The following ATG13 variants were observed in gnomAD, a reference collection of about 807,000 sequenced individuals.
The protein encoded by ATG13 is autophagy related 13, also known as autophagy-related protein 13.
ATG13 carries 23 observed loss-of-function variants against 65.5 expected under a neutral mutation model. The observed-to-expected ratio is 0.35, with a 90% confidence interval of 0.25 to 0.50. The LOEUF is 0.50. Among genes scored for constraint, ATG13 ranks in the 20% least tolerant of loss-of-function variants. ATG13 has a pLI of 0.98. For missense variants in ATG13, 566 were observed against 677.0 expected, an observed-to-expected ratio of 0.84 and a Z score of 1.82; for synonymous variants, 252 against 245.2, an observed-to-expected ratio of 1.03 and a Z score of -0.26.
Position 46,672,853 on chromosome 11 carries a change from C to T in ATG13, c.*521C>T, listed in dbSNP as rs976313759. On this transcript the variant is annotated 3_prime_UTR_variant, in exon 19 of 19. Transcript: ENST00000683050. ...TGTCCCCTTTACTTCCTGCTATCTT[C>T]TTCTCCTCTTCTTCTCTCTCTTGCC... The T allele has an allele frequency of 6.9e-6, 8 of 1,163,030 alleles. No homozygotes were observed. In the African/African-American group the frequency reaches 1.1e-4, roughly 16 times the overall value. 72.0% of individuals were successfully genotyped at this position (1,163,030 alleles called of 1,614,324 possible).
intron 2 of ATG13, among the ~76,000 whole-genome samples, chr11:46,636,156 G>A (rs1056052067): frequency 2.0e-5 from 3 of 152,030 alleles, no homozygotes; most frequent in Non-Finnish European, 2.9e-5. Context: ...TCTTGATCAC[G>A]GTGGACTATC....
chr11:46,661,954 TGAAA>T (rs975687916), intron 11 of ATG13, among the ~76,000 whole-genome samples: 2 of 152,254 alleles, frequency 1.3e-5, no homozygotes, highest in African/African-American at 4.8e-5. Flanking sequence ...TTGTTTTGGG[TGAAA>T]GAGATTCTTG....
intron 2 of ATG13, among the ~76,000 whole-genome samples, chr11:46,638,193 T>TGG (rs2136113582): frequency 6.6e-6 from 1 of 152,250 alleles, no homozygotes; most frequent in Non-Finnish European, 1.5e-5. Flanking sequence ...TCCCAGAACT[T>TGG]TGGAAGGCTG....
At chr11:46,671,419 C>T (rs1423982621) in intron 18 of ATG13, among the ~76,000 whole-genome samples, 1 of 152,220 alleles carries the variant, frequency 6.6e-6, no homozygotes, top group Non-Finnish European at 1.5e-5. Context: ...ATCTCTAACT[C>T]ACCCCTTCCT....
intron 2 of ATG13, among the ~76,000 whole-genome samples, chr11:46,634,292 G>A (rs368397334): frequency 1.3e-5 from 2 of 151,806 alleles, no homozygotes; most frequent in Non-Finnish European, 2.9e-5. Context: ...TAGAGACGGG[G>A]TTTCACCATG....
chr11:46,635,932 C>A (rs1056338634), intron 2 of ATG13, among the ~76,000 whole-genome samples: 16 of 152,108 alleles, frequency 1.1e-4, no homozygotes, highest in African/African-American at 3.9e-4. Context: ...TCCTGCAGCG[C>A]ATTTCTTTCT....
intron 18 of ATG13, among the ~76,000 whole-genome samples, chr11:46,670,480 C>CAA (rs552531117): frequency 8.6e-5 from 7 of 81,722 alleles, no homozygotes; most frequent in Non-Finnish European, 1.2e-4. Flanking sequence ...GACTCCATCT[C>CAA]AAAAAAAAAA....
intron 5 of ATG13, among the ~76,000 whole-genome samples, chr11:46,648,244 C>T (rs999067687): frequency 2.8e-4 from 42 of 151,982 alleles, no homozygotes; most frequent in Admixed American, 1.2e-3. Context: ...TACAGGCACC[C>T]GCTACCACGC....
At position 46,672,361 on chromosome 11, in the gene ATG13, C is replaced by G; in HGVS notation, c.*29C>G. The stretch of plus-strand genomic sequence containing the variant: ...TATCCTTGAGTCCCAGCAGCACCCC[C>G]TTTTTGTGGCCCCAGGGCATAAGCA... On this transcript the variant is annotated 3_prime_UTR_variant, in exon 19 of 19. Coordinates refer to ENST00000683050, the MANE Select transcript of ATG13 (RefSeq NM_001346311.2). The G allele has an allele frequency of 1.2e-6, 2 of 1,614,100 alleles. No homozygotes were observed. The highest frequency in any genetic ancestry group is 1.1e-5 in the South Asian group (1 of 91,078).
In ATG13 at chr11:46,673,192, C is replaced by T. The variant is rs1242636183; in HGVS notation, c.*860C>T. 1 of 154,808 alleles carries T rather than the reference C, an allele frequency of 6.5e-6. No homozygotes were observed. The highest frequency in any genetic ancestry group is 1.9e-4 in the East Asian group (1 of 5,238). 9.6% of individuals were successfully genotyped at this position (154,808 alleles called of 1,614,324 possible). A position where few individuals can be genotyped will look rare whatever the true frequency, so the allele number is the denominator to read the frequency against. On this transcript the variant is annotated 3_prime_UTR_variant, in exon 19 of 19. Coordinates refer to ENST00000683050, the MANE Select transcript of ATG13 (RefSeq NM_001346311.2). ...TATGTTTGAGGTGAGTTGTTTTTCA[C>T]TTGGAGAAGGCGGAGGGCTCTTCCT...
intron 11 of ATG13, among the ~76,000 whole-genome samples, chr11:46,661,785 C>T (rs568409725): frequency 3.9e-5 from 6 of 152,078 alleles, no homozygotes; most frequent in South Asian, 4.2e-4. Context: ...GAGCTGAGAT[C>T]GCACCACTGC....
intron 1 of ATG13, among the ~76,000 whole-genome samples, chr11:46,619,421 G>A (rs2046589973): frequency 8.8e-6 from 1 of 113,582 alleles, no homozygotes; most frequent in Admixed American, 1.2e-4. Flanking sequence ...TTTCACTCTG[G>A]TTGCCCAGGC....
rs1329790632 is a variant in ATG13, at chr11:46,617,809, C to G, written c.-151C>G. 1 of 399,156 alleles carries G rather than the reference C, an allele frequency of 2.5e-6. No homozygotes were observed. Among genetic ancestry groups the G allele is most frequent in the African/African-American group, 2.1e-5 (1 of 48,644 alleles). 24.7% of individuals were successfully genotyped at this position (399,156 alleles called of 1,614,324 possible). A position where few individuals can be genotyped will look rare whatever the true frequency, so the allele number is the denominator to read the frequency against. ...CAGCTCCGGAGCGCGGAACCCTCAG[C>G]CAGGAGGCGCGGCTGGTCGGTCCCA... On this transcript the variant is annotated 5_prime_UTR_variant, in exon 1 of 19. Transcript: ENST00000683050.
Position 46,657,228 on chromosome 11 carries a change from G to A in ATG13, c.596+37G>A, listed in dbSNP as rs369435073. 82 of 1,568,812 alleles carry A rather than the reference G, an allele frequency of 5.2e-5. No individual in the cohort carries two copies. The African/African-American group carries it at 6.8e-4, about 13-fold the overall frequency. ...CCCTGGAATCCAAAAGAACTCTTCC[G>A]AAAATGTTAAAGTTTTTTTTCTCCT... On this transcript the variant is annotated intron_variant, in intron 9 of 18. Coordinates refer to ENST00000683050, the MANE Select transcript of ATG13 (RefSeq NM_001346311.2).
In ATG13 at chr11:46,657,450, G is replaced by A. The variant is rs527396089; in HGVS notation, c.597-74G>A. 314 of 1,392,688 alleles carry A rather than the reference G, an allele frequency of 2.3e-4. 4 individuals carry two copies. The South Asian group carries it at 3.4e-3, about 15-fold the overall frequency. 86.3% of individuals were successfully genotyped at this position (1,392,688 alleles called of 1,614,324 possible). On this transcript the variant is annotated intron_variant, in intron 9 of 18. Transcript: ENST00000683050. ...GTGCCTGCCAACAGATGTAAGGTGA[G>A]GGGCCCTCTGAGGACTTTGTGGGGG...
chr11:46,637,295 G>A (rs1300045541), intron 2 of ATG13, among the ~76,000 whole-genome samples: 1 of 152,052 alleles, frequency 6.6e-6, no homozygotes, highest in Admixed American at 6.6e-5. Context: ...TCCCAGGATG[G>A]GATGCAGTGG....
chr11:46,651,734 C>G (rs1419527736), intron 7 of ATG13, among the ~76,000 whole-genome samples: 1 of 152,162 alleles, frequency 6.6e-6, no homozygotes, highest in Non-Finnish European at 1.5e-5. Context: ...TTAGCAATAT[C>G]CTAGCAAGCC....
chr11:46,659,316 C>A lies in ATG13; in HGVS notation c.696-76C>A, dbSNP rs1382722404. On this transcript the variant is annotated intron_variant, in intron 10 of 18. Coordinates refer to ENST00000683050, the MANE Select transcript of ATG13 (RefSeq NM_001346311.2). ...TTCTTAGCACAGGTCCCATCTCTAT[C>A]TAATCACCTTTTATAGCCTTTCTGA... 3 of 1,202,282 alleles carry A rather than the reference C, an allele frequency of 2.5e-6. No individual in the cohort carries two copies. The African/African-American group carries it at 4.5e-5, about 18-fold the overall frequency. 74.5% of individuals were successfully genotyped at this position (1,202,282 alleles called of 1,614,324 possible). A position where few individuals can be genotyped will look rare whatever the true frequency, so the allele number is the denominator to read the frequency against.
chr11:46,653,070 C>T (rs182927960), intron 7 of ATG13, among the ~76,000 whole-genome samples: 81 of 152,050 alleles, frequency 5.3e-4, no homozygotes, highest in African/African-American at 1.9e-3. Flanking sequence ...CCATTTGGTC[C>T]TTTACAGAAA....
Sources: gnomAD v4.1 joint callset for allele counts (sites outside exome capture counted in the v4.1 genomes callset) on GRCh38, gnomAD v4.1.1 for gene constraint, MANE v1.5 for transcripts, NCBI Gene and HGNC (gene_info 2026-07-23, HGNC 2026-07-21) for gene names.